MUC22: variants seen among roughly 807,000 people sequenced by gnomAD.
The protein encoded by MUC22 is mucin-22.
Under a neutral mutation model 40.3 loss-of-function variants are expected in MUC22, and 24 were observed. That is an observed-to-expected ratio of 0.60 (90% confidence interval 0.43 to 0.84). The LOEUF (loss-of-function observed/expected upper bound fraction) is 0.84. Ranked by LOEUF, MUC22 falls within the 40% of genes least tolerant of loss-of-function variation. MUC22 has a pLI of 0.00. For synonymous variants in MUC22, 765 were observed against 844.5 expected (o/e 0.91, Z 1.63); for missense variants, 1,926 against 2,130.7 (o/e 0.90, Z 1.89).
At chr6:31,034,922 A>G (rs756901630) in exon 4 of MUC22, 1 of 1,535,638 alleles carries the variant, frequency 6.5e-7, no homozygotes, top group Non-Finnish European at 8.7e-7. Context: ...CATTATGGAC[A>G]TGGAGGAGGC....
At chr6:31,029,407 A>G in exon 2 of MUC22, 1 of 1,534,634 alleles carries the variant, frequency 6.5e-7, no homozygotes, top group Non-Finnish European at 8.7e-7. Flanking sequence ...CTCTGAGACC[A>G]CCACAGCCTC....
exon 2 of MUC22, chr6:31,029,290 A>G: frequency 6.5e-7 from 1 of 1,528,618 alleles, no homozygotes; most frequent in Non-Finnish European, 8.8e-7. Flanking sequence ...AGAGACCACT[A>G]CAGTCACTAC....
chr6:31,033,633 C>G (rs1766238532), intron 3 of MUC22, among the ~76,000 whole-genome samples: 2 of 152,234 alleles, frequency 1.3e-5, no homozygotes, highest in Admixed American at 1.3e-4. Context: ...TGTGCTGGAG[C>G]TGGCTCATCC....
chr6:31,021,579 T>G lies in MUC22; in HGVS notation c.71-3923T>G, dbSNP rs570365109. The stretch of plus-strand genomic sequence containing the variant: ...AAACACACCAATCAGCACCCTGTGT[T>G]TAGCTCAAAGTTTGTGAGTGCACCA... On this transcript the variant is annotated intron_variant, in intron 1 of 3. Coordinates refer to ENST00000561890, the Ensembl canonical transcript of MUC22. 6.8e-5 allele frequency among the ~76,000 whole-genome samples: 8 copies of G among 118,200 alleles called. 1 individual carries two copies. The highest frequency in any genetic ancestry group is 1.4e-4 in the Non-Finnish European group (8 of 55,816). 77.5% of individuals were successfully genotyped at this position (118,200 alleles called of 152,430 possible).
chr6:31,020,441 C>CTTTTTTTTTTTTTTTTTTTTTTT (rs3084519), intron 1 of MUC22, among the ~76,000 whole-genome samples: 1 of 126,712 alleles, frequency 7.9e-6, no homozygotes, highest in Non-Finnish European at 1.6e-5. Flanking sequence ...TGGAAATTGA[C>CTTTTTTTTTTTTTTTTTTTTTTT]TTTTTTTTTT....
chr6:31,029,744 C>A, exon 2 of MUC22: 2 of 1,530,294 alleles, frequency 1.3e-6, no homozygotes, highest in Non-Finnish European at 1.7e-6. Flanking sequence ...ACCACCACAG[C>A]CTCCACTGCA....
exon 2 of MUC22, chr6:31,027,445 G>C (rs1765514577): frequency 2.6e-6 from 4 of 1,532,160 alleles, no homozygotes; most frequent in Non-Finnish European, 3.5e-6. Context: ...CTGTACTGAA[G>C]GCTCTGAGAT....
intron 1 of MUC22, among the ~76,000 whole-genome samples, chr6:31,020,323 G>GA (rs1436807424): frequency 6.8e-6 from 1 of 147,828 alleles, no homozygotes; most frequent in Non-Finnish European, 1.5e-5. Flanking sequence ...AATACTGAAA[G>GA]AAAAAAATAC....
At chr6:31,025,433 T>C in intron 1 of MUC22, 69 bp from the exon 2 acceptor site, 2 of 1,416,466 alleles carry the variant, frequency 1.4e-6, no homozygotes, top group Non-Finnish European at 1.9e-6. Flanking sequence ...TATGTGAAAG[T>C]AACACTATAC....
chr6:31,032,084 A>C lies in MUC22; in HGVS notation c.4670-112A>C. The stretch of plus-strand genomic sequence containing the variant: ...CTCCTCCCCCACCACACCTCTCCTG[A>C]GCCACCTCCACCATAGGTTTGTTAG... On this transcript the variant is annotated intron_variant, in intron 2 of 3. Transcript: ENST00000561890. The surrounding 1 kb of genome is among the most constrained non-coding windows in gnomAD (Gnocchi z 4.1). The C allele has an allele frequency of 8.1e-7, 1 of 1,228,228 alleles. No homozygotes were observed. Among genetic ancestry groups the C allele is most frequent in the South Asian group, 1.6e-5 (1 of 64,310 alleles). 76.1% of individuals were successfully genotyped at this position (1,228,228 alleles called of 1,614,324 possible). A position where few individuals can be genotyped will look rare whatever the true frequency, so the allele number is the denominator to read the frequency against.
intron 1 of MUC22, among the ~76,000 whole-genome samples, chr6:31,021,180 G>A (rs1283203482): frequency 1.3e-5 from 2 of 152,272 alleles, no homozygotes; most frequent in African/African-American, 4.8e-5. Flanking sequence ...AGCCAGCTGG[G>A]CTCCTGAGTC....
chr6:31,022,007 G>A (rs542333096), intron 1 of MUC22, among the ~76,000 whole-genome samples: 17 of 152,220 alleles, frequency 1.1e-4, no homozygotes, highest in African/African-American at 1.4e-4. Flanking sequence ...CCACTGAGAG[G>A]AAGGAACAAT....
At position 31,029,975 on chromosome 6, in the gene MUC22, C is replaced by T. The variant is rs1439696494; in HGVS notation, c.4544C>T (p.Thr1515Ile). The change falls in exon 2 of 4, where the codon ACC becomes ATC. Residue 1515 changes from threonine (T) to isoleucine (I), a missense_variant. This residue lies in a region of MUC22 where 610 missense variants were observed against 714.6 expected (regional missense o/e 0.85). Coordinates refer to ENST00000561890, the Ensembl canonical transcript of MUC22. ...GCAACTTCCCTCACAGGCTCTGAGA[C>T]CACCACAGTCTCTATCACAGCTTCT... 3.9e-6 allele frequency: 6 copies of T among 1,535,688 alleles called. No homozygotes were observed. The East Asian group carries it at 7.3e-5, about 19-fold the overall frequency.
chr6:31,018,794 AT>A (rs1374396176), intron 1 of MUC22, among the ~76,000 whole-genome samples: 1 of 152,178 alleles, frequency 6.6e-6, no homozygotes, highest in Non-Finnish European at 1.5e-5. Context: ...TAACTGCCAT[AT>A]TTTTCTAGAG....
upstream of MUC22, among the ~76,000 whole-genome samples, chr6:31,007,603 T>C (rs1581590543): frequency 6.6e-6 from 1 of 152,166 alleles, no homozygotes; most frequent in South Asian, 2.1e-4. This position sits in a 1 kb window ranked among gnomAD's most constrained non-coding sequence, Gnocchi z 4.0. Flanking sequence ...TTGAGAGAGA[T>C]GGCAGCGAGA....
At chr6:31,017,363 A>G (rs955254335) in intron 1 of MUC22, among the ~76,000 whole-genome samples, 1 of 151,618 alleles carries the variant, frequency 6.6e-6, no homozygotes, top group Non-Finnish European at 1.5e-5. Context: ...AAATGCACCA[A>G]TCAGCACCCT....
exon 2 of MUC22, chr6:31,028,863 G>C: frequency 6.5e-7 from 1 of 1,531,910 alleles, no homozygotes; most frequent in Non-Finnish European, 8.7e-7. Context: ...AAGGCTCTGA[G>C]ACTACCACCA....
At chr6:31,025,938 C>T in exon 2 of MUC22, 1 of 1,534,326 alleles carries the variant, frequency 6.5e-7, no homozygotes, top group Non-Finnish European at 8.7e-7. Flanking sequence ...CGATGGCCTC[C>T]TCCATAATTT....
intron 1 of MUC22, among the ~76,000 whole-genome samples, chr6:31,016,460 T>G (rs1764207106): frequency 1.3e-5 from 2 of 149,814 alleles, no homozygotes; most frequent in South Asian, 4.2e-4. Flanking sequence ...TATCTAGTGT[T>G]GGCTAATTTC....
Sources: gnomAD v4.1 joint callset for allele counts (sites outside exome capture counted in the v4.1 genomes callset) on GRCh38, gnomAD v4.1.1 for gene constraint, gnomAD v4.1.1 regional missense constraint, Gnocchi (gnomAD v3.1) non-coding constraint, MANE v1.5 for transcripts, NCBI Gene and HGNC (gene_info 2026-07-23, HGNC 2026-07-21) for gene names.